The following WWOX variants were observed in gnomAD, a reference collection of about 807,000 sequenced individuals.
WWOX encodes WW domain-containing oxidoreductase.
In WWOX, 69 loss-of-function variants were observed where a neutral mutation model predicts 46.2. That is an observed-to-expected ratio of 1.49 (90% CI 1.23 to 1.82). WWOX has a LOEUF of 1.82. Among genes scored for constraint, WWOX ranks in the 40% most tolerant of loss-of-function variants. The pLI is 0.00. For synonymous variants in WWOX, 359 were observed against 202.6 expected (o/e 1.77, Z -6.56); for missense variants, 919 against 542.6 (o/e 1.69, Z -6.89).
At chr16:78,920,711 G>A (rs1312011170) in intron 8 of WWOX, among the ~76,000 whole-genome samples, 2 of 152,164 alleles carry the variant, frequency 1.3e-5, no homozygotes, top group Non-Finnish European at 2.9e-5. Flanking sequence ...GAGACAGAGA[G>A]AGAAAGTGTG....
At chr16:79,140,034 G>C (rs962351161) in intron 8 of WWOX, among the ~76,000 whole-genome samples, 1 of 152,170 alleles carries the variant, frequency 6.6e-6, no homozygotes, top group South Asian at 2.1e-4. Context: ...TCAGCACCAT[G>C]GGGCCTGATA....
intron 8 of WWOX, among the ~76,000 whole-genome samples, chr16:78,926,396 G>C (rs2045499236): frequency 6.6e-6 from 1 of 150,850 alleles, no homozygotes; most frequent in Non-Finnish European, 1.5e-5. Context: ...AAGTTCCTAA[G>C]AAAATAAAGC....
At chr16:78,137,504 C>T (rs569421070) in intron 4 of WWOX, among the ~76,000 whole-genome samples, 158 of 152,206 alleles carry the variant, frequency 1.0e-3, no homozygotes, top group African/African-American at 3.5e-3. Context: ...AATTTCCTTA[C>T]GTATTGTTTT....
At chr16:78,650,558 T>C (rs974424205) in intron 8 of WWOX, among the ~76,000 whole-genome samples, 1 of 152,176 alleles carries the variant, frequency 6.6e-6, no homozygotes, top group Non-Finnish European at 1.5e-5. Flanking sequence ...TGCCTGCAAA[T>C]GCATTTTTCA....
intron 8 of WWOX, among the ~76,000 whole-genome samples, chr16:79,126,176 A>G (rs951406398): frequency 5.3e-5 from 8 of 152,072 alleles, no homozygotes; most frequent in Non-Finnish European, 4.4e-5. Flanking sequence ...TGATGGGGAA[A>G]GAGGATGTGA....
At position 78,863,020 on chromosome 16, in the gene WWOX, G is replaced by A. The variant is rs560773618; in HGVS notation, c.1057-348588G>A. ...TGTTGCCAGGGTGGAGTGCAGTGGT[G>A]CAACCTTGGCTCACCACAACCTCTG... is the stretch of plus-strand genomic sequence containing the variant. On this transcript the variant is annotated intron_variant, in intron 8 of 8. Coordinates refer to ENST00000566780, the MANE Select transcript of WWOX (RefSeq NM_016373.4). Among the ~76,000 whole-genome samples, 15 of 147,004 alleles carry A rather than the reference G, an allele frequency of 1.0e-4. No individual in the cohort carries two copies. In the South Asian group the frequency reaches 2.8e-3, roughly 27 times the overall value.
At chr16:78,845,623 C>T (rs1413083786) in intron 8 of WWOX, among the ~76,000 whole-genome samples, 1 of 152,168 alleles carries the variant, frequency 6.6e-6, no homozygotes, top group African/African-American at 2.4e-5. Context: ...AATTTATAGT[C>T]AGCCTCCACA....
intron 4 of WWOX, chr16:78,123,180 G>C (rs1005248981): frequency 8.6e-5 from 13 of 151,306 alleles, no homozygotes; most frequent in African/African-American, 1.9e-4. Context: ...TCTCTCTTTT[G>C]TTTTGTTTGT....
At chr16:78,688,369 TA>T (rs11458852) in intron 8 of WWOX, among the ~76,000 whole-genome samples, 3,496 of 142,198 alleles carry the variant, frequency 0.025, 93 homozygotes, top group African/African-American at 0.073. Flanking sequence ...TCAGTTACTT[TA>T]AAAAAAAAAA....
intron 8 of WWOX, among the ~76,000 whole-genome samples, chr16:78,824,537 G>T (rs942371158): frequency 1.3e-5 from 2 of 152,128 alleles, no homozygotes; most frequent in Admixed American, 1.3e-4. Flanking sequence ...ACACACCCGA[G>T]ACTGGGAAGA....
intron 8 of WWOX, among the ~76,000 whole-genome samples, chr16:78,827,775 C>CGGTTGCA (rs1156652368): frequency 3.3e-5 from 5 of 152,040 alleles, no homozygotes; most frequent in Non-Finnish European, 7.4e-5. Context: ...TGGGAGGCAG[C>CGGTTGCA]GGTTGCAGTG....
chr16:78,718,657 A>C (rs980600446), intron 8 of WWOX, among the ~76,000 whole-genome samples: 1 of 152,100 alleles, frequency 6.6e-6, no homozygotes, highest in African/African-American at 2.4e-5. Flanking sequence ...ACCCTGAGCT[A>C]TGATCACACC....
intron 8 of WWOX, among the ~76,000 whole-genome samples, chr16:78,947,484 G>A (rs998870437): frequency 1.3e-5 from 2 of 152,180 alleles, no homozygotes; most frequent in Admixed American, 6.5e-5. Context: ...TTGCAGGGGA[G>A]GGCTGGCAAA....
In WWOX at chr16:78,314,469, C is replaced by T. The variant is rs146260626; in HGVS notation, c.517-72391C>T. Among the ~76,000 whole-genome samples, 663 of 148,988 alleles carry T rather than the reference C, an allele frequency of 4.5e-3. 3 individuals carry two copies. The highest frequency in any genetic ancestry group is 7.5e-3 in the Non-Finnish European group (504 of 67,462). ...CCCTGAACATTTATCCCCCTGCTGC[C>T]AGTACGTTACAGCAACCACCAAGTC... On this transcript the variant is annotated intron_variant, in intron 5 of 8. Coordinates refer to ENST00000566780, the MANE Select transcript of WWOX (RefSeq NM_016373.4).
chr16:79,158,374 C>G (rs929343927), intron 8 of WWOX, among the ~76,000 whole-genome samples: 3 of 152,132 alleles, frequency 2.0e-5, no homozygotes, highest in Non-Finnish European at 2.9e-5. Flanking sequence ...TAAGGGAAAC[C>G]AAGTCAGGCT....
At chr16:78,730,366 C>G (rs748828592) in intron 8 of WWOX, among the ~76,000 whole-genome samples, 1 of 151,990 alleles carries the variant, frequency 6.6e-6, no homozygotes, top group African/African-American at 2.4e-5. Flanking sequence ...TCATATAAGC[C>G]ACGTGCTGGG....
chr16:78,762,901 G>A (rs1379155700), intron 8 of WWOX, among the ~76,000 whole-genome samples: 1 of 152,160 alleles, frequency 6.6e-6, no homozygotes, highest in Non-Finnish European at 1.5e-5. Context: ...ACCCAGTTTG[G>A]TAAGTGTTAT....
chr16:78,578,254 T>TTATACATATATATATA (rs1555567047), intron 8 of WWOX, among the ~76,000 whole-genome samples: 7 of 31,646 alleles, frequency 2.2e-4, no homozygotes, highest in Non-Finnish European at 4.2e-4. Flanking sequence ...ATACCAAATT[T>TTATACATATATATATA]TATATATATA....
At chr16:79,126,516 G>A (rs2049758791) in intron 8 of WWOX, among the ~76,000 whole-genome samples, 1 of 152,032 alleles carries the variant, frequency 6.6e-6, no homozygotes, top group South Asian at 2.1e-4. Flanking sequence ...CCCTCCTGCC[G>A]CCTTGTGAAG....
Sources: allele counts gnomAD v4.1 joint callset (sites outside exome capture counted in the v4.1 genomes callset), GRCh38; gene constraint gnomAD v4.1.1; transcripts MANE v1.5; gene names NCBI Gene and HGNC (gene_info 2026-07-23, HGNC 2026-07-21).